The following PPFIA1 variants were observed in gnomAD, a reference collection of about 807,000 sequenced individuals.
The protein encoded by PPFIA1 is PPFI scaffold protein A1.
In PPFIA1, 25 loss-of-function variants were observed where a neutral mutation model predicts 149.9. That is an observed-to-expected ratio of 0.17 (90% CI 0.12 to 0.23). The LOEUF is 0.23. Ranked by LOEUF, PPFIA1 falls within the 10% of genes least tolerant of loss-of-function variation. PPFIA1 has a pLI of 1.00. For synonymous variants in PPFIA1, 549 were observed against 552.8 expected, an observed-to-expected ratio of 0.99 and a Z score of 0.10; for missense variants, 1,362 against 1,506.5, an observed-to-expected ratio of 0.90 and a Z score of 1.59.
chr11:70,339,613 C>G (rs2055190619), intron 14 of PPFIA1, among the ~76,000 whole-genome samples: 1 of 148,024 alleles, frequency 6.8e-6, no homozygotes, highest in African/African-American at 2.5e-5. Context: ...AGCCACCGTG[C>G]CTGGCCTCTG....
At chr11:70,334,941 A>G (rs1437993623) in intron 10 of PPFIA1, among the ~76,000 whole-genome samples, 1 of 152,254 alleles carries the variant, frequency 6.6e-6, no homozygotes, top group Non-Finnish European at 1.5e-5. Flanking sequence ...TGAGAAACAA[A>G]GGTTTTAAAC....
At chr11:70,294,707 G>T (rs1229138042) in intron 2 of PPFIA1, among the ~76,000 whole-genome samples, 1 of 151,842 alleles carries the variant, frequency 6.6e-6, no homozygotes, top group Non-Finnish European at 1.5e-5. Context: ...GTGGCCTTCC[G>T]CAGTGTTTGT....
At chr11:70,271,589 T>A (rs2050097081) in intron 1 of PPFIA1, among the ~76,000 whole-genome samples, 1 of 152,134 alleles carries the variant, frequency 6.6e-6, no homozygotes, top group Non-Finnish European at 1.5e-5. Flanking sequence ...AAAACACTTC[T>A]ACCAGCGTTT....
chr11:70,303,270 C>T (rs1489046891), intron 2 of PPFIA1, among the ~76,000 whole-genome samples: 9 of 152,126 alleles, frequency 5.9e-5, no homozygotes, highest in South Asian at 2.1e-4. Context: ...CAGAATATAC[C>T]GAGTCCTGTC....
chr11:70,320,839 T>A (rs1333570937), intron 2 of PPFIA1, among the ~76,000 whole-genome samples: 1 of 151,844 alleles, frequency 6.6e-6, no homozygotes, highest in African/African-American at 2.4e-5. Context: ...CCTAGGGAGG[T>A]AGAATGCAAG....
intron 2 of PPFIA1, among the ~76,000 whole-genome samples, chr11:70,299,482 G>C (rs1279656776): frequency 6.6e-6 from 1 of 152,168 alleles, no homozygotes; most frequent in Non-Finnish European, 1.5e-5. Context: ...CAAAGATACT[G>C]TTCTCGGACA....
intron 21 of PPFIA1, among the ~76,000 whole-genome samples, chr11:70,368,108 A>G (rs768432092): frequency 6.6e-6 from 1 of 152,208 alleles, no homozygotes; most frequent in Non-Finnish European, 1.5e-5. Flanking sequence ...ACTACACTCC[A>G]GCCTGGGTGA....
intron 16 of PPFIA1, among the ~76,000 whole-genome samples, chr11:70,351,467 T>C (rs749380179): frequency 6.6e-6 from 1 of 152,200 alleles, no homozygotes; most frequent in Non-Finnish European, 1.5e-5. Context: ...TCTGAGATGC[T>C]TAGGGCCAGA....
In PPFIA1 at chr11:70,308,135, G is replaced by A. The variant is rs141525380; in HGVS notation, c.265-16267G>A. On this transcript the variant is annotated intron_variant, in intron 2 of 27. Transcript: ENST00000253925. ...GCGATCTCGGCTCACCGCAACCTTC[G>A]CCTCCTGGGATCAAGCGATTCTCCT... Among the ~76,000 whole-genome samples, 57 of 152,232 alleles carry A rather than the reference G, an allele frequency of 3.7e-4. 1 individual carries two copies. In the East Asian group the frequency reaches 9.3e-3, roughly 25 times the overall value.
intron 24 of PPFIA1, among the ~76,000 whole-genome samples, chr11:70,376,042 G>A (rs1190783767): frequency 2.0e-5 from 3 of 151,552 alleles, no homozygotes; most frequent in Non-Finnish European, 4.4e-5. Flanking sequence ...AGGCTGGAGT[G>A]CAATGGTGCA....
In PPFIA1 at chr11:70,270,731, C is replaced by G. The variant is rs1160133598; in HGVS notation, c.-184C>G. The G allele has an allele frequency of 6.6e-6, 1 of 150,948 alleles. No individual in the cohort carries two copies. The highest frequency in any genetic ancestry group is 1.5e-5 in the Non-Finnish European group (1 of 67,626). The allele number at this position is 150,948 out of a possible 1,614,324, so 9.4% of individuals were successfully genotyped here. On this transcript the variant is annotated 5_prime_UTR_variant, in exon 1 of 28. Coordinates refer to ENST00000253925, the MANE Select transcript of PPFIA1 (RefSeq NM_003626.5). ...CAGCCGGGCCCGCTCCTCCTCCGCT[C>G]CGCCAGTGTCCGGCCGCGGGCCGGC...
At chr11:70,350,414 T>C (rs1444723214) in intron 16 of PPFIA1, among the ~76,000 whole-genome samples, 2 of 152,240 alleles carry the variant, frequency 1.3e-5, no homozygotes, top group Non-Finnish European at 2.9e-5. Flanking sequence ...AAATATCTTA[T>C]GTGAATCATA....
At chr11:70,310,511 G>A (rs1210440386) in intron 2 of PPFIA1, among the ~76,000 whole-genome samples, 5 of 151,292 alleles carry the variant, frequency 3.3e-5, no homozygotes, top group African/African-American at 9.7e-5. Flanking sequence ...TCAGCCTCCC[G>A]AGTAGCTGGG....
rs1181440746 is a variant in PPFIA1, at chr11:70,372,471, A to G, written c.3042-6A>G. The G allele has an allele frequency of 6.2e-7, 1 of 1,613,568 alleles. No homozygotes were observed. Among genetic ancestry groups the G allele is most frequent in the Non-Finnish European group, 8.5e-7 (1 of 1,179,540 alleles). On this transcript the variant is annotated splice_polypyrimidine_tract_variant and splice_region_variant and intron_variant, in intron 22 of 27. Transcript: ENST00000253925. ...CTCTAAATCATCTCTCTTTTCTTCCAAATAGAAACAGTTTCCAGTGTGGAA... is the reference window on the plus strand; with the variant it reads ...CTCTAAATCATCTCTCTTTTCTTCCGAATAGAAACAGTTTCCAGTGTGGAA...
chr11:70,337,850 G>A (rs2055077852), intron 12 of PPFIA1, among the ~76,000 whole-genome samples: 1 of 152,022 alleles, frequency 6.6e-6, no homozygotes, highest in Admixed American at 6.6e-5. Flanking sequence ...GCTACTTTGC[G>A]TTCTTTTTCC....
At chr11:70,363,576 CAATCG>C (rs2056771000) in intron 21 of PPFIA1, among the ~76,000 whole-genome samples, 1 of 152,114 alleles carries the variant, frequency 6.6e-6, no homozygotes, top group African/African-American at 2.4e-5. Flanking sequence ...TGCAGTGGCT[CAATCG>C]TAGCTCACTG....
At chr11:70,285,941 C>G (rs1372900728) in intron 2 of PPFIA1, among the ~76,000 whole-genome samples, 1 of 151,968 alleles carries the variant, frequency 6.6e-6, no homozygotes, top group Non-Finnish European at 1.5e-5. Flanking sequence ...ATGGAAAAAA[C>G]CAAACTTACA....
At chr11:70,333,014 C>T (rs2054760266) in intron 9 of PPFIA1, 2 of 456,666 alleles carry the variant, frequency 4.4e-6, no homozygotes, top group Admixed American at 4.7e-5. Flanking sequence ...CCCTTGTCGG[C>T]TTTGTAGTCT....
intron 2 of PPFIA1, among the ~76,000 whole-genome samples, chr11:70,310,683 C>G (rs955510783): frequency 5.3e-5 from 8 of 152,146 alleles, no homozygotes; most frequent in Non-Finnish European, 1.2e-4. Flanking sequence ...CACACCCGGC[C>G]CCATGTACTT....
Sources: allele counts gnomAD v4.1 joint callset (sites outside exome capture counted in the v4.1 genomes callset), GRCh38; gene constraint gnomAD v4.1.1; transcripts MANE v1.5; gene names NCBI Gene and HGNC (gene_info 2026-07-23, HGNC 2026-07-21).